Variants in SIM2 observed in about 807,000 individuals in gnomAD.
SIM2 encodes SIM bHLH transcription factor 2, also known as single-minded homolog 2.
Under a neutral mutation model 64.8 loss-of-function variants are expected in SIM2, and 28 were observed. That is an observed-to-expected ratio of 0.43 (90% CI 0.32 to 0.59). The LOEUF (loss-of-function observed/expected upper bound fraction) is 0.59, where lower values mean the gene tolerates loss of function less well. SIM2 is among the 20% of genes least tolerant of loss of function. The pLI, the probability that SIM2 is intolerant of heterozygous loss-of-function variation, is 0.07. For missense variants in SIM2, 847 were observed against 871.4 expected (o/e 0.97, Z 0.35); for synonymous variants, 408 against 391.1 (o/e 1.04, Z -0.51).
At chr21:36,741,028 G>A (rs1467736401) in intron 7 of SIM2, among the ~76,000 whole-genome samples, 1 of 152,236 alleles carries the variant, frequency 6.6e-6, no homozygotes, top group Non-Finnish European at 1.5e-5. Context: ...GTTTATGGGT[G>A]CACCGAGCCT....
At chr21:36,705,923 G>C (rs1039617773) in intron 1 of SIM2, among the ~76,000 whole-genome samples, 1 of 152,220 alleles carries the variant, frequency 6.6e-6, no homozygotes, top group African/African-American at 2.4e-5. Flanking sequence ...CCTGTGTCCT[G>C]GGCTGGACCC....
At chr21:36,716,309 A>C (rs2088745688) in intron 3 of SIM2, among the ~76,000 whole-genome samples, 1 of 152,242 alleles carries the variant, frequency 6.6e-6, no homozygotes, top group Admixed American at 6.5e-5. Context: ...TTCCTCACCA[A>C]CATTTCACAC....
intron 7 of SIM2, among the ~76,000 whole-genome samples, chr21:36,732,675 A>C (rs1457965340): frequency 1.3e-5 from 2 of 152,192 alleles, no homozygotes; most frequent in Non-Finnish European, 2.9e-5. Flanking sequence ...TTAAAGACCA[A>C]ATCATGATCT....
In SIM2 at chr21:36,745,965, C is replaced by G. The variant is rs568534747; in HGVS notation, c.1576+829C>G. On this transcript the variant is annotated intron_variant, in intron 10 of 10. Transcript: ENST00000290399. The surrounding 1 kb of genome is among the most constrained non-coding windows in gnomAD (Gnocchi z 4.8). The stretch of plus-strand genomic sequence containing the variant: ...CCTAACTGCCGCTCAGAGTGTAGAC[C>G]GAGATGGTGCAGATGCCTGCAGTGC... 8.2e-7 allele frequency: 1 copy of G among 1,222,242 alleles called. No individual in the cohort carries two copies. The highest frequency in any genetic ancestry group is 1.4e-5 in the South Asian group (1 of 70,414). The allele number at this position is 1,222,242 out of a possible 1,614,324, so 75.7% of individuals were successfully genotyped here.
At chr21:36,723,424 G>A (rs571472314) in intron 5 of SIM2, among the ~76,000 whole-genome samples, 10 of 152,284 alleles carry the variant, frequency 6.6e-5, no homozygotes, top group South Asian at 2.1e-4. Flanking sequence ...TGGAGCCACC[G>A]CCTCTGGAGT....
At position 36,744,773 on chromosome 21, in the gene SIM2, G is replaced by A. The variant is rs375361689; in HGVS notation, c.1213G>A (p.Gly405Arg). Residue 405 changes from glycine to arginine, a missense_variant, in exon 10 of 11, where the codon GGA (glycine) becomes AGA (arginine). Around this residue, in one of 3 missense-constraint regions of SIM2, gnomAD observed 447 missense variants for 414.6 expected, o/e 1.08. Coordinates refer to ENST00000290399, the MANE Select transcript of SIM2 (RefSeq NM_005069.6). ...GGACAAACTGGAATGCGGCCAGCTC[G>A]GAAACTGGAGAGCCAGTCCCCCTGC... ...QMDKLECGQL[G>R]NWRASPPASA... The A allele has an allele frequency of 1.2e-5, 20 of 1,612,520 alleles. No individual in the cohort carries two copies. Among genetic ancestry groups the A allele is most frequent in the East Asian group, 4.5e-5 (2 of 44,846 alleles).
intron 6 of SIM2, among the ~76,000 whole-genome samples, chr21:36,730,255 C>A (rs985994848): frequency 2.0e-5 from 3 of 152,156 alleles, no homozygotes; most frequent in African/African-American, 7.2e-5. Context: ...GATGGAGGAA[C>A]CAAATGTGGT....
In SIM2 at chr21:36,749,034, T is replaced by C. The variant is rs141289709; in HGVS notation, c.*942T>C. ...GACTGCACCTTGTGAAGGAAAAACA[T>C]GCTTAAGGGGGTGTAATGAAAATGA... On this transcript the variant is annotated 3_prime_UTR_variant, in exon 11 of 11. Coordinates refer to ENST00000290399, the MANE Select transcript of SIM2 (RefSeq NM_005069.6). The C allele has an allele frequency of 1.3e-5, 2 of 152,738 alleles. No homozygotes were observed. Among genetic ancestry groups the C allele is most frequent in the African/African-American group, 2.4e-5 (1 of 41,572 alleles). 9.5% of individuals were successfully genotyped at this position (152,738 alleles called of 1,614,324 possible).
chr21:36,715,751 C>T (rs927822758), intron 3 of SIM2, among the ~76,000 whole-genome samples: 1 of 152,110 alleles, frequency 6.6e-6, no homozygotes, highest in Non-Finnish European at 1.5e-5. Flanking sequence ...TTTGGTCTAA[C>T]CTCTACTAAA....
At chr21:36,741,012 A>T (rs910042167) in intron 7 of SIM2, among the ~76,000 whole-genome samples, 14 of 152,276 alleles carry the variant, frequency 9.2e-5, no homozygotes, top group African/African-American at 3.4e-4. Context: ...GTGAGGTGGA[A>T]TTGTGGTTTA....
chr21:36,706,477 G>T (rs1309014325), intron 1 of SIM2, among the ~76,000 whole-genome samples: 1 of 152,206 alleles, frequency 6.6e-6, no homozygotes, highest in East Asian at 1.9e-4. Flanking sequence ...CGCTAACCCC[G>T]AGGCGCCTAG....
At chr21:36,722,901 C>T (rs1238330563) in intron 4 of SIM2, 144 bp from the exon 5 acceptor site, 9 of 682,886 alleles carry the variant, frequency 1.3e-5, no homozygotes, top group Admixed American at 4.3e-5. Context: ...CAGCCAAGGC[C>T]GAAGATCTCT....
Position 36,747,941 on chromosome 21 carries a change from C to A in SIM2, c.1853C>A (p.Ala618Asp), listed in dbSNP as rs978647781. ...RRGPLGGAAP[A>D]ASGLACAPGG... ...GGACCGCTGGGGGGCGCCGCACCCG[C>A]CGCCTCCGGCCTGGCCTGCGCTCCC... The change falls in exon 11 of 11, where the codon GCC becomes GAC. Residue 618 changes from alanine to aspartate, a missense_variant. Physicochemically the swap from Ala to Asp is moderately radical, Grantham distance 126. Coordinates refer to ENST00000290399, the MANE Select transcript of SIM2 (RefSeq NM_005069.6). This position sits in a 1 kb window ranked among gnomAD's most constrained non-coding sequence, Gnocchi z 4.5. 6.9e-6 allele frequency: 7 copies of A among 1,021,586 alleles called. No individual in the cohort carries two copies. In the African/African-American group the frequency reaches 1.0e-4, roughly 15 times the overall value. 63.3% of individuals were successfully genotyped at this position (1,021,586 alleles called of 1,614,324 possible).
At chr21:36,719,082 C>T (rs2088784637) in intron 3 of SIM2, among the ~76,000 whole-genome samples, 1 of 152,162 alleles carries the variant, frequency 6.6e-6, no homozygotes, top group South Asian at 2.1e-4. Flanking sequence ...GGCAGCAACC[C>T]CAGGACATAA....
Position 36,699,703 on chromosome 21 carries a change from G to A in SIM2, c.-44G>A, listed in dbSNP as rs149640396. Reference sequence around the variant, plus strand: ...CCGCAGCCCGAGCGGGGCTCCGCGGGCCTGGAGCACGGCCGGGTCTAATAT... The same window carrying A: ...CCGCAGCCCGAGCGGGGCTCCGCGGACCTGGAGCACGGCCGGGTCTAATAT... On this transcript the variant is annotated 5_prime_UTR_variant, in exon 1 of 11. Coordinates refer to ENST00000290399, the MANE Select transcript of SIM2 (RefSeq NM_005069.6). This position sits in a 1 kb window ranked among gnomAD's most constrained non-coding sequence, Gnocchi z 5.6. 0.013 allele frequency: 21,005 copies of A among 1,593,900 alleles called. 173 individuals are homozygous for A. The highest frequency in any genetic ancestry group is 0.015 in the Non-Finnish European group (17,743 of 1,170,856).
chr21:36,716,101 T>C (rs2088743485), intron 3 of SIM2, among the ~76,000 whole-genome samples: 3 of 152,230 alleles, frequency 2.0e-5, no homozygotes. Flanking sequence ...ACACAAAGCA[T>C]CTAGACAAGT....
Position 36,709,207 on chromosome 21 carries a change from C to T in SIM2, c.215C>T (p.Pro72Leu), listed in dbSNP as rs759275950. ...TGGGGACAGCCGAGCCGCGCCGGGC[C>T]CCTGGACGGCGTCGCCAAGGAGCTG... ...DAWGQPSRAG[P>L]LDGVAKELGS... is the part of the protein sequence containing the mutation. The change falls in exon 2 of 11, where the codon CCC becomes CTC. Residue 72 changes from proline (P) to leucine (L), a missense_variant. Coordinates refer to ENST00000290399, the MANE Select transcript of SIM2 (RefSeq NM_005069.6). 6.2e-7 allele frequency: 1 copy of T among 1,610,628 alleles called. No homozygotes were observed. The highest frequency in any genetic ancestry group is 1.7e-5 in the Admixed American group (1 of 59,794).
chr21:36,737,822 G>A (rs1000159034), intron 7 of SIM2, among the ~76,000 whole-genome samples: 9 of 151,752 alleles, frequency 5.9e-5, no homozygotes, highest in Non-Finnish European at 8.8e-5. Flanking sequence ...TTAGCCGGGC[G>A]TGGTGGCATT....
intron 5 of SIM2, among the ~76,000 whole-genome samples, chr21:36,724,209 T>A (rs2088860925): frequency 6.6e-6 from 1 of 152,222 alleles, no homozygotes; most frequent in African/African-American, 2.4e-5. Flanking sequence ...TTTCTTCCTT[T>A]TTGTCCCAGA....
Sources: gnomAD v4.1 joint callset for allele counts (sites outside exome capture counted in the v4.1 genomes callset) on GRCh38, gnomAD v4.1.1 for gene constraint, gnomAD v4.1.1 regional missense constraint, Gnocchi (gnomAD v3.1) non-coding constraint, MANE v1.5 for transcripts, NCBI Gene and HGNC (gene_info 2026-07-23, HGNC 2026-07-21) for gene names.